Variants in PTN observed in about 807,000 individuals in gnomAD.
The protein encoded by PTN is heparin affin regulatory protein.
Under a neutral mutation model 24.1 loss-of-function variants are expected in PTN, and 18 were observed. That is an observed-to-expected ratio of 0.75 (90% CI 0.52 to 1.11). The LOEUF is 1.11. Ranked by LOEUF, PTN falls within the 50% of genes least tolerant of loss-of-function variation. The pLI, the probability that PTN is intolerant of heterozygous loss-of-function variation, is 0.00. For synonymous variants in PTN, 78 were observed against 68.6 expected (o/e 1.14, Z -0.67); for missense variants, 163 against 198.8 (o/e 0.82, Z 1.08).
chr7:137,321,341 T>G (rs1211626964), intron 1 of PTN, among the ~76,000 whole-genome samples: 1 of 152,188 alleles, frequency 6.6e-6, no homozygotes, highest in Non-Finnish European at 1.5e-5. Context: ...CAAATATGGT[T>G]TGCATCTTTC....
At chr7:137,312,802 A>G (rs1810005670) in intron 1 of PTN, among the ~76,000 whole-genome samples, 1 of 152,216 alleles carries the variant, frequency 6.6e-6, no homozygotes. Flanking sequence ...AATGTATAAA[A>G]CATATATATT....
At chr7:137,324,389 C>T (rs1810216675) in intron 1 of PTN, among the ~76,000 whole-genome samples, 2 of 132,650 alleles carry the variant, frequency 1.5e-5, no homozygotes, top group South Asian at 4.5e-4. Context: ...TGCACTCCAG[C>T]CTGGGCAGCA....
Position 137,254,235 on chromosome 7 carries a change from T to C in PTN, c.116-598A>G, listed in dbSNP as rs933098743. ...ATCACTTGAACCGGGAGACAGAGGA[T>C]ACAGTGAGTTGAGATCGCACCACTG... On this transcript the variant is annotated intron_variant, in intron 2 of 4. Transcript: ENST00000348225. Among the ~76,000 whole-genome samples, 38 of 149,276 alleles carry C rather than the reference T, an allele frequency of 2.5e-4. 1 individual carries two copies. The highest frequency in any genetic ancestry group is 9.4e-4 in the African/African-American group (38 of 40,230).
chr7:137,286,263 C>T (rs908403871), intron 1 of PTN, among the ~76,000 whole-genome samples: 3 of 152,082 alleles, frequency 2.0e-5, no homozygotes, highest in African/African-American at 7.2e-5. Context: ...TATTGCAGTA[C>T]CTTTTATAAG....
chr7:137,317,278 C>T (rs1383072896), intron 1 of PTN, among the ~76,000 whole-genome samples: 1 of 152,144 alleles, frequency 6.6e-6, no homozygotes, highest in Non-Finnish European at 1.5e-5. Flanking sequence ...CTTTGGGTAC[C>T]CTCGGTGCAG....
At chr7:137,326,410 TATA>T (rs1395336933) in intron 1 of PTN, 2 of 152,170 alleles carry the variant, frequency 1.3e-5, no homozygotes, top group Admixed American at 6.6e-5. Flanking sequence ...CACCTCCCAT[TATA>T]ATGTCTAGAT....
intron 1 of PTN, among the ~76,000 whole-genome samples, chr7:137,331,452 T>G (rs1035686320): frequency 6.6e-6 from 1 of 152,206 alleles, no homozygotes; most frequent in Non-Finnish European, 1.5e-5. Flanking sequence ...GCACAGATAC[T>G]AAACGCATTT....
At chr7:137,280,559 C>T (rs1211152589) in intron 1 of PTN, among the ~76,000 whole-genome samples, 1 of 151,066 alleles carries the variant, frequency 6.6e-6, no homozygotes, top group African/African-American at 2.4e-5. Context: ...CAAACAGAAA[C>T]CATGCAAACT....
At chr7:137,283,380 C>A (rs1329672143) in intron 1 of PTN, among the ~76,000 whole-genome samples, 2 of 152,050 alleles carry the variant, frequency 1.3e-5, no homozygotes, top group African/African-American at 4.8e-5. Context: ...GTTCATACAA[C>A]TCCAGCTTTC....
intron 1 of PTN, among the ~76,000 whole-genome samples, chr7:137,336,996 T>A (rs908019152): frequency 6.6e-6 from 1 of 152,184 alleles, no homozygotes; most frequent in Non-Finnish European, 1.5e-5. Context: ...TATACCTCAG[T>A]ATTTTGGACC....
At chr7:137,303,948 A>G (rs1258978315) in intron 1 of PTN, among the ~76,000 whole-genome samples, 1 of 152,008 alleles carries the variant, frequency 6.6e-6, no homozygotes, top group East Asian at 1.9e-4. Context: ...TTGATGTGGC[A>G]CAATAGTTTG....
At chr7:137,275,448 G>A (rs890087140) in intron 1 of PTN, among the ~76,000 whole-genome samples, 1 of 152,060 alleles carries the variant, frequency 6.6e-6, no homozygotes, top group African/African-American at 2.4e-5. Context: ...GATACAGATG[G>A]GAATTACATG....
chr7:137,317,593 T>G (rs1214979325), intron 1 of PTN, among the ~76,000 whole-genome samples: 1 of 152,238 alleles, frequency 6.6e-6, no homozygotes, highest in Non-Finnish European at 1.5e-5. Context: ...TAAAATGTTC[T>G]CATCCTACAG....
chr7:137,232,422 A>C (rs1476810291), intron 4 of PTN, among the ~76,000 whole-genome samples: 2 of 151,970 alleles, frequency 1.3e-5, no homozygotes, highest in Admixed American at 6.6e-5. Flanking sequence ...GAGATGAGAA[A>C]AAATAGTAGG....
Position 137,290,915 on chromosome 7 carries a change from C to A in PTN, c.-1-35941G>T, listed in dbSNP as rs566100165. Among the ~76,000 whole-genome samples, 879 of 152,214 alleles carry A rather than the reference C, an allele frequency of 5.8e-3. 11 individuals carry two copies. Among genetic ancestry groups the A allele is most frequent in the South Asian group, 0.042 (202 of 4,828 alleles). On this transcript the variant is annotated intron_variant, in intron 1 of 4. Coordinates refer to ENST00000348225, the MANE Select transcript of PTN (RefSeq NM_002825.7). ...GTTTTTTCACCCACATCAACCATTT[C>A]TCTTCATCACACAACGTGGAACATT...
intron 1 of PTN, among the ~76,000 whole-genome samples, chr7:137,320,604 A>C (rs1392718365): frequency 6.6e-6 from 1 of 152,226 alleles, no homozygotes; most frequent in Non-Finnish European, 1.5e-5. Context: ...GTGTTTAGAT[A>C]GGAGAAAGAG....
chr7:137,229,496 A>G (rs1315755809), intron 4 of PTN, among the ~76,000 whole-genome samples: 1 of 151,802 alleles, frequency 6.6e-6, no homozygotes, highest in African/African-American at 2.4e-5. Context: ...CCATTTCTAT[A>G]TACTATCTTC....
chr7:137,243,178 G>A (rs141669401), intron 4 of PTN, among the ~76,000 whole-genome samples: 2,890 of 152,104 alleles, frequency 0.019, 100 homozygotes, highest in African/African-American at 0.067. Flanking sequence ...CTCGTGATCC[G>A]CCCACCTCAG....
In PTN at chr7:137,259,057, G is replaced by A. The variant is rs148091503; in HGVS notation, c.-1-4083C>T. Among the ~76,000 whole-genome samples, 9 of 152,160 alleles carry A rather than the reference G, an allele frequency of 5.9e-5. 1 individual carries two copies. In the East Asian group the frequency reaches 1.7e-3, roughly 29 times the overall value. ...GACTTAATTGCATATTAACAATTAAGTTGAAGACTACCATATTTGGGTGCT... is the reference window on the plus strand; with the variant it reads ...GACTTAATTGCATATTAACAATTAAATTGAAGACTACCATATTTGGGTGCT... On this transcript the variant is annotated intron_variant, in intron 1 of 4. Coordinates refer to ENST00000348225, the MANE Select transcript of PTN (RefSeq NM_002825.7).
Sources: allele counts gnomAD v4.1 joint callset (sites outside exome capture counted in the v4.1 genomes callset), GRCh38; gene constraint gnomAD v4.1.1; transcripts MANE v1.5; gene names NCBI Gene and HGNC (gene_info 2026-07-23, HGNC 2026-07-21).